Variants in ZNF676 observed in about 807,000 individuals in gnomAD.
The protein encoded by ZNF676 is zinc finger protein 676.
A neutral mutation model predicts 6.0 loss-of-function variants in ZNF676; 4 were observed. The ratio of observed to expected loss-of-function variants is 0.67; its 90% CI spans 0.33 to 1.53. The LOEUF is 1.53. ZNF676 is among the 40% of genes most tolerant of loss of function. ZNF676 has a pLI of 0.06. For synonymous variants in ZNF676, 198 were observed against 223.1 expected, an observed-to-expected ratio of 0.89 and a Z score of 1.00; for missense variants, 644 against 679.7, an observed-to-expected ratio of 0.95 and a Z score of 0.58.
At chr19:22,184,125 G>A (rs899619270) in intron 2 of ZNF676, among the ~76,000 whole-genome samples, 15 of 152,188 alleles carry the variant, frequency 9.9e-5, no homozygotes, top group Non-Finnish European at 2.2e-4. Context: ...GACACAGAAG[G>A]TGGGTGGTTT....
chr19:22,209,065 G>A (rs1218608258), intron 1 of ZNF676, among the ~76,000 whole-genome samples: 1 of 152,182 alleles, frequency 6.6e-6, no homozygotes, highest in Non-Finnish European at 1.5e-5. Flanking sequence ...AGGAGTTCAA[G>A]ACCAGCCTGG....
intron 2 of ZNF676, among the ~76,000 whole-genome samples, chr19:22,188,385 A>G (rs555869386): frequency 6.6e-6 from 1 of 152,320 alleles, no homozygotes; most frequent in East Asian, 1.9e-4. Context: ...TGTATTTATG[A>G]CAAACCCACA....
the ZNF676 span, among the ~76,000 whole-genome samples, chr19:22,230,819 C>T: frequency 4.6e-5 from 7 of 151,760 alleles, no homozygotes; most frequent in South Asian, 1.0e-3. Context: ...CCACCACACC[C>T]GGCTAATTTT....
At chr19:22,207,081 C>T (rs117214114) in intron 1 of ZNF676, among the ~76,000 whole-genome samples, 5,343 of 152,188 alleles carry the variant, frequency 0.035, 144 homozygotes, top group Non-Finnish European at 0.055. Flanking sequence ...ATAAAATTGG[C>T]AGTCTTAGCC....
rs200880635 is a variant in ZNF676 at position 22,181,186 on chromosome 19, A to C, written c.531T>G (p.Ala177=). Residue 177 remains alanine, a synonymous_variant, in exon 3 of 3, where the codon GCT becomes GCG. Transcript: ENST00000397121. The stretch of plus-strand genomic sequence containing the variant: ...AAGTAAGGGTTGAGGACCAGTTAAA[A>C]GCTTTGCCATTTTCTTCACATTTGT... ...NSYKCEENGK[A]FNWSSTLTYY... is the part of the protein sequence containing the mutation. 4.0e-4 allele frequency: 650 copies of C among 1,613,938 alleles called. 1 individual carries two copies. Among genetic ancestry groups the C allele is most frequent in the Non-Finnish European group, 5.3e-4 (620 of 1,179,928 alleles).
intron 2 of ZNF676, among the ~76,000 whole-genome samples, chr19:22,192,734 A>AACAG (rs2023924252): frequency 1.3e-5 from 2 of 150,534 alleles, no homozygotes; most frequent in Admixed American, 6.6e-5. Flanking sequence ...CACAAAAACA[A>AACAG]AAAAAAGTCA....
chr19:22,208,360 A>G (rs1049309651), intron 1 of ZNF676, among the ~76,000 whole-genome samples: 1 of 152,158 alleles, frequency 6.6e-6, no homozygotes, highest in African/African-American at 2.4e-5. Context: ...AATGCTCATC[A>G]CTAATCGTTA....
the ZNF676 span, among the ~76,000 whole-genome samples, chr19:22,245,849 A>G: frequency 6.6e-6 from 1 of 152,120 alleles, no homozygotes; most frequent in African/African-American, 2.4e-5. Flanking sequence ...GAAAAATCAC[A>G]TCGTCTAGTT....
At chr19:22,243,851 C>A in the ZNF676 span, 2 of 152,312 alleles carry the variant, frequency 1.3e-5, no homozygotes, top group Admixed American at 1.3e-4. Context: ...TGAACTGTGT[C>A]CACCTGTGAG....
chr19:22,224,752 C>G, the ZNF676 span, among the ~76,000 whole-genome samples: 3 of 152,082 alleles, frequency 2.0e-5, no homozygotes, highest in African/African-American at 7.2e-5. Context: ...CCCAGAAATT[C>G]GAGAGGTCAA....
chr19:22,250,914 G>A, the ZNF676 span, among the ~76,000 whole-genome samples: 15 of 152,182 alleles, frequency 9.9e-5, no homozygotes, highest in Admixed American at 4.6e-4. Context: ...TTTTCACCAT[G>A]TTGAGCAGGC....
the ZNF676 span, among the ~76,000 whole-genome samples, chr19:22,251,367 C>G: frequency 6.6e-6 from 1 of 152,206 alleles, no homozygotes; most frequent in Admixed American, 6.5e-5. Context: ...CCTGTTGTTA[C>G]ACACTAGTCT....
In ZNF676 at chr19:22,193,086, CA is replaced by C; in HGVS notation, c.59del (p.Leu20ArgfsTer14). On this transcript the variant is annotated frameshift_variant, in exon 2 of 3. Coordinates refer to ENST00000397121, the MANE Select transcript of ZNF676 (RefSeq NM_001001411.3). LOFTEE classifies it high-confidence loss of function. ...CTTTTCCTTGCTCCAGAAAAATGAT[CA>C]GGTCTGGCTTAAAGGCAGCAATACC... is the stretch of plus-strand genomic sequence containing the variant. ...FLGIAAFKPD[L>X]IIFLEQGKEP... The C allele has an allele frequency of 6.2e-7, 1 of 1,608,812 alleles. No individual in the cohort carries two copies. The highest frequency in any genetic ancestry group is 8.5e-7 in the Non-Finnish European group (1 of 1,178,130).
chr19:22,244,439 C>G, the ZNF676 span: 1 of 152,204 alleles, frequency 6.6e-6, no homozygotes, highest in Non-Finnish European at 1.5e-5. Context: ...TCCCTATTGG[C>G]TGATTCCAGG....
At chr19:22,211,117 T>A (rs2024126017) in intron 1 of ZNF676, among the ~76,000 whole-genome samples, 1 of 151,306 alleles carries the variant, frequency 6.6e-6, no homozygotes, top group Admixed American at 6.6e-5. Context: ...TTAATGTACA[T>A]CTAGCTGGTT....
At chr19:22,234,956 AAGCAAG>A in the ZNF676 span, among the ~76,000 whole-genome samples, 13 of 142,382 alleles carry the variant, frequency 9.1e-5, no homozygotes, top group Admixed American at 9.0e-4. Context: ...GAAAGAAAGA[AAGCAAG>A]AGAAAGAAAG....
At chr19:22,190,443 A>G (rs1453233555) in intron 2 of ZNF676, among the ~76,000 whole-genome samples, 1 of 151,870 alleles carries the variant, frequency 6.6e-6, no homozygotes, top group East Asian at 1.9e-4. Flanking sequence ...GAAAAAATAG[A>G]AACAGCAACC....
At chr19:22,254,033 A>T in the ZNF676 span, among the ~76,000 whole-genome samples, 4 of 152,198 alleles carry the variant, frequency 2.6e-5, no homozygotes, top group Admixed American at 1.3e-4. Flanking sequence ...TAAACCTGTG[A>T]GCTGGACAAA....
upstream of ZNF676, among the ~76,000 whole-genome samples, chr19:22,217,335 C>T (rs1042123142): frequency 6.6e-6 from 1 of 152,132 alleles, no homozygotes; most frequent in African/African-American, 2.4e-5. Context: ...TCCCGAGTAT[C>T]TGGGATTATA....
Sources: allele counts gnomAD v4.1 joint callset (sites outside exome capture counted in the v4.1 genomes callset), GRCh38; gene constraint gnomAD v4.1.1; transcripts MANE v1.5; gene names NCBI Gene and HGNC (gene_info 2026-07-23, HGNC 2026-07-21).